UTP18: variants seen among roughly 807,000 people sequenced by gnomAD.
UTP18 encodes U3 small nucleolar RNA-associated protein 18 homolog.
Under a neutral mutation model 61.1 loss-of-function variants are expected in UTP18, and 36 were observed. That is an observed-to-expected ratio of 0.59 (90% CI 0.45 to 0.78). The LOEUF is 0.78. Ranked by LOEUF, UTP18 falls within the 30% of genes least tolerant of loss-of-function variation. The pLI is 0.00. For missense variants in UTP18, 753 were observed against 693.9 expected (o/e 1.09, Z -0.96); for synonymous variants, 282 against 251.1 (o/e 1.12, Z -1.16).
intron 12 of UTP18, among the ~76,000 whole-genome samples, chr17:51,294,749 C>G (rs1194614454): frequency 6.6e-6 from 1 of 151,900 alleles, no homozygotes; most frequent in Non-Finnish European, 1.5e-5. Context: ...AATGGTATTT[C>G]TAGTTCTAGA....
intron 9 of UTP18, among the ~76,000 whole-genome samples, chr17:51,282,775 G>A (rs1904981086): frequency 6.6e-6 from 1 of 152,002 alleles, no homozygotes; most frequent in South Asian, 2.1e-4. Flanking sequence ...GAAATCAAAA[G>A]TTGAGCCTTG....
At chr17:51,272,250 C>T (rs905199935) in intron 4 of UTP18, among the ~76,000 whole-genome samples, 1 of 151,938 alleles carries the variant, frequency 6.6e-6, no homozygotes, top group Non-Finnish European at 1.5e-5. Context: ...AGACATAAGC[C>T]ATCATGCCCA....
Position 51,276,632 on chromosome 17 carries a change from C to T in UTP18, c.838-498C>T, listed in dbSNP as rs185854002. 8.5e-5 allele frequency among the ~76,000 whole-genome samples: 13 copies of T among 152,272 alleles called. No homozygotes were observed. The East Asian group carries it at 2.5e-3, about 29-fold the overall frequency. On this transcript the variant is annotated intron_variant, in intron 6 of 13. Transcript: ENST00000225298. ...GACCTGGCCCTTCACTTCAGGATGT[C>T]ACTCTCTGATGGGGGTATAGATGGT...
chr17:51,263,739 A>G (rs1439490461), intron 2 of UTP18, among the ~76,000 whole-genome samples: 1 of 152,240 alleles, frequency 6.6e-6, no homozygotes, highest in Non-Finnish European at 1.5e-5. Context: ...GATAGTAACT[A>G]CATCAGAATT....
chr17:51,277,126 A>AT lies in UTP18; in HGVS notation c.838-3dup. 1 of 1,613,484 alleles carries AT rather than the reference A, an allele frequency of 6.2e-7. No individual in the cohort carries two copies. The highest frequency in any genetic ancestry group is 8.5e-7 in the Non-Finnish European group (1 of 1,179,646). On this transcript the variant is annotated splice_polypyrimidine_tract_variant and splice_region_variant and intron_variant, in intron 6 of 13. Transcript: ENST00000225298. ...CAAAAGAACCATTTTGTACTTCTTTATAGGTTGATGGGAAAACAAATCCTA... is the reference window on the plus strand; with the variant it reads ...CAAAAGAACCATTTTGTACTTCTTTATTAGGTTGATGGGAAAACAAATCCTA...
chr17:51,287,344 G>A (rs1275301233), intron 10 of UTP18, among the ~76,000 whole-genome samples: 1 of 152,176 alleles, frequency 6.6e-6, no homozygotes, highest in Non-Finnish European at 1.5e-5. Flanking sequence ...GAGGAAGAAA[G>A]GACAGGGAGA....
intron 9 of UTP18, 59 bp downstream of exon 9, chr17:51,280,538 G>A: frequency 6.4e-7 from 1 of 1,551,700 alleles, no homozygotes; most frequent in South Asian, 1.1e-5. Flanking sequence ...TTTAGGCCAG[G>A]CGCGGTGGCT....
intron 2 of UTP18, among the ~76,000 whole-genome samples, chr17:51,264,975 A>ACCTGGCC (rs773105742): frequency 1.2e-3 from 190 of 152,020 alleles, no homozygotes; most frequent in Non-Finnish European, 2.5e-3. Flanking sequence ...GAGCAACCAC[A>ACCTGGCC]CCTGGCCTCG....
intron 4 of UTP18, 32 bp downstream of exon 4, chr17:51,268,936 C>G: frequency 6.3e-7 from 1 of 1,591,164 alleles, no homozygotes; most frequent in African/African-American, 1.3e-5. Context: ...TAAATTAGTA[C>G]ATAAGTCCCT....
At chr17:51,264,422 C>T (rs972821595) in intron 2 of UTP18, among the ~76,000 whole-genome samples, 3 of 152,000 alleles carry the variant, frequency 2.0e-5, no homozygotes, top group Non-Finnish European at 4.4e-5. Context: ...TCTTTATTTT[C>T]TAATTTATTG....
chr17:51,286,964 C>T lies in UTP18; in HGVS notation c.1329-1065C>T, dbSNP rs1336729266. Among the ~76,000 whole-genome samples, 5 of 132,696 alleles carry T rather than the reference C, an allele frequency of 3.8e-5. No individual in the cohort carries two copies. In the Admixed American group the frequency reaches 3.9e-4, roughly 10 times the overall value. The allele number at this position is 132,696 out of a possible 152,430, so 87.1% of individuals were successfully genotyped here. On this transcript the variant is annotated intron_variant, in intron 10 of 13. Coordinates refer to ENST00000225298, the MANE Select transcript of UTP18 (RefSeq NM_016001.3). ...TTAGCATTAAGTATATCTCCTAATGCTATCCCTCCCCCTTCCCCCCCCGAC... is the reference window on the plus strand; with the variant it reads ...TTAGCATTAAGTATATCTCCTAATGTTATCCCTCCCCCTTCCCCCCCCGAC...
chr17:51,266,421 GT>G (rs952004678), intron 3 of UTP18, 141 bp downstream of exon 3: 30 of 519,216 alleles, frequency 5.8e-5, no homozygotes, highest in South Asian at 1.5e-4. Flanking sequence ...AATTTCTGTA[GT>G]TTTTTTTAGG....
At chr17:51,290,331 G>A (rs1034922583) in intron 11 of UTP18, among the ~76,000 whole-genome samples, 11 of 152,132 alleles carry the variant, frequency 7.2e-5, no homozygotes, top group Admixed American at 2.0e-4. Context: ...CAGGAGAATG[G>A]CTTGAGCCTG....
intron 10 of UTP18, among the ~76,000 whole-genome samples, chr17:51,286,751 C>T (rs2144436779): frequency 6.6e-6 from 1 of 152,314 alleles, no homozygotes; most frequent in East Asian, 1.9e-4. Context: ...GGCAGCAATT[C>T]ATGAGTAGCA....
At chr17:51,269,614 C>A (rs1164269199) in intron 4 of UTP18, among the ~76,000 whole-genome samples, 1 of 152,046 alleles carries the variant, frequency 6.6e-6, no homozygotes, top group Non-Finnish European at 1.5e-5. Flanking sequence ...TTCTTCCTAC[C>A]CTGTTAGTCC....
At chr17:51,283,617 ATTT>A (rs34103760) in intron 9 of UTP18, among the ~76,000 whole-genome samples, 1 of 138,510 alleles carries the variant, frequency 7.2e-6, no homozygotes, top group Admixed American at 7.3e-5. Flanking sequence ...TTACTCATGG[ATTT>A]TTTTTTTTTT....
chr17:51,280,431 G>A lies in UTP18; in HGVS notation c.1156G>A (p.Ala386Thr). The A allele has an allele frequency of 6.2e-7, 1 of 1,614,068 alleles. No homozygotes were observed. The highest frequency in any genetic ancestry group is 2.2e-5 in the East Asian group (1 of 44,888). The change falls in exon 9 of 14, where the codon GCA (alanine) becomes ACA (threonine). Residue 386 changes from alanine (A) to threonine (T), a missense_variant. Ala to Thr is a moderately conservative substitution (Grantham distance 58). Transcript: ENST00000225298. ...AAGCATGAAAATTAATGGAAGGGTT[G>A]CAGCATCCACATTCTCTTCAGATAG... ...IGSMKINGRV[A>T]ASTFSSDSKK...
intron 9 of UTP18, among the ~76,000 whole-genome samples, chr17:51,281,733 GGTAAA>G (rs1381944918): frequency 3.9e-5 from 6 of 152,220 alleles, no homozygotes; most frequent in Admixed American, 2.6e-4. Flanking sequence ...GGGGGGAACT[GGTAAA>G]GTAAAGAGTA....
Position 51,293,944 on chromosome 17 carries a change from C to A in UTP18, c.1545C>A (p.Val515=). ...GTACAGTATTTTCAAACTTCCCAGT[C>A]ATTAAAAATAAGAATATTTCTCATG... ...PSCTVFSNFP[V]IKNKNISHVH... is the part of the protein sequence containing the mutation. Residue 515 remains valine (V), a synonymous_variant, in exon 12 of 14, where the codon GTC becomes GTA. Transcript: ENST00000225298. The A allele has an allele frequency of 6.2e-7, 1 of 1,603,198 alleles. No homozygotes were observed. Among genetic ancestry groups the A allele is most frequent in the South Asian group, 1.1e-5 (1 of 89,006 alleles).
Sources: allele counts gnomAD v4.1 joint callset (sites outside exome capture counted in the v4.1 genomes callset), GRCh38; gene constraint gnomAD v4.1.1; transcripts MANE v1.5; gene names NCBI Gene and HGNC (gene_info 2026-07-23, HGNC 2026-07-21).